ERCC6L2: variants seen among roughly 807,000 people sequenced by gnomAD.
ERCC6L2 encodes the protein DNA excision repair protein ERCC-6-like 2.
ERCC6L2 carries 77 observed loss-of-function variants against 132.0 expected under a neutral mutation model. That is an observed-to-expected ratio of 0.58 (90% CI 0.49 to 0.71). The LOEUF (loss-of-function observed/expected upper bound fraction) is 0.71, where lower values mean the gene tolerates loss of function less well. Among genes scored for constraint, ERCC6L2 ranks in the 30% least tolerant of loss-of-function variants. The pLI is 0.00. For missense variants in ERCC6L2, 1,542 were observed against 1,837.6 expected, an observed-to-expected ratio of 0.84 and a Z score of 2.94; for synonymous variants, 583 against 632.4, an observed-to-expected ratio of 0.92 and a Z score of 1.17.
At chr9:95,962,905 C>G (rs1311681585) in intron 13 of ERCC6L2, among the ~76,000 whole-genome samples, 3 of 152,124 alleles carry the variant, frequency 2.0e-5, no homozygotes, top group Non-Finnish European at 2.9e-5. Context: ...GCTTTAACTT[C>G]ATTGAAAGAT....
chr9:96,034,129 T>C (rs910235632), intron 19 of ERCC6L2, among the ~76,000 whole-genome samples: 1 of 152,230 alleles, frequency 6.6e-6, no homozygotes, highest in Non-Finnish European at 1.5e-5. Flanking sequence ...TTCTCAGGCA[T>C]GAAGGCAAGG....
At chr9:95,881,784 A>T (rs577860616) in intron 2 of ERCC6L2, among the ~76,000 whole-genome samples, 2 of 152,348 alleles carry the variant, frequency 1.3e-5, no homozygotes, top group African/African-American at 4.8e-5. Context: ...ATTCCCTAAA[A>T]TGTGTACTAG....
intron 3 of ERCC6L2, among the ~76,000 whole-genome samples, chr9:95,900,509 G>A (rs1828718569): frequency 6.6e-6 from 1 of 152,006 alleles, no homozygotes; most frequent in African/African-American, 2.4e-5. Context: ...TTTTACCCAA[G>A]TACTATTTGA....
chr9:95,879,750 C>G (rs1344862001), intron 1 of ERCC6L2, among the ~76,000 whole-genome samples: 1 of 152,244 alleles, frequency 6.6e-6, no homozygotes, highest in East Asian at 1.9e-4. Flanking sequence ...ATGAGCTATT[C>G]TTGCTTTAGA....
chr9:95,884,424 T>A (rs1827756141), intron 2 of ERCC6L2, among the ~76,000 whole-genome samples: 1 of 152,138 alleles, frequency 6.6e-6, no homozygotes, highest in East Asian at 1.9e-4. Context: ...GTAGTAAAAT[T>A]AATTGATAAT....
intron 6 of ERCC6L2, 83 bp downstream of exon 6, chr9:95,916,517 AT>A: frequency 8.7e-7 from 1 of 1,151,652 alleles, no homozygotes; most frequent in Non-Finnish European, 1.2e-6. Flanking sequence ...CTCCTGTGGC[AT>A]TTTGTAAATA....
At chr9:95,952,621 G>A (rs1209507688) in intron 12 of ERCC6L2, among the ~76,000 whole-genome samples, 1 of 152,130 alleles carries the variant, frequency 6.6e-6, no homozygotes, top group African/African-American at 2.4e-5. Context: ...GCCTCTTGAG[G>A]TCAGGAGTTC....
chr9:96,008,156 TC>T (rs1316640587), intron 18 of ERCC6L2, among the ~76,000 whole-genome samples: 1 of 152,178 alleles, frequency 6.6e-6, no homozygotes, highest in African/African-American at 2.4e-5. Context: ...TACCTTTTTT[TC>T]CCTAAGTTTG....
intron 20 of ERCC6L2, among the ~76,000 whole-genome samples, chr9:96,040,159 C>G (rs113882843): frequency 6.8e-4 from 104 of 152,094 alleles, no homozygotes; most frequent in African/African-American, 2.4e-3. Flanking sequence ...CCTGCCCCCC[C>G]CCAAGCACCC....
chr9:96,018,483 CAG>C (rs1206692759), downstream of ERCC6L2, among the ~76,000 whole-genome samples: 1 of 151,274 alleles, frequency 6.6e-6, no homozygotes, highest in Non-Finnish European at 1.5e-5. Context: ...TTTTGTAAGA[CAG>C]AGTCTCACTC....
rs1832751090 is a variant in ERCC6L2 at position 95,978,206 on chromosome 9, C to T, written c.3483C>T (p.Cys1161=). ...AGCTGCCTGCTAACATAGCTGTTTG[C>T]AGTTCTAAGGTAAGAAAAATATAGG... is the stretch of plus-strand genomic sequence containing the variant. The part of the protein sequence containing the change: ...FSQLPANIAV[C]SSKTYKEKVD... Residue 1161 remains cysteine (C), a synonymous_variant, in exon 17 of 19, where the codon TGC becomes TGT. Transcript: ENST00000653738. The T allele has an allele frequency of 7.3e-7, 1 of 1,363,860 alleles. No individual in the cohort carries two copies. The highest frequency in any genetic ancestry group is 1.5e-5 in the African/African-American group (1 of 67,790). The allele number at this position is 1,363,860 out of a possible 1,614,324, so 84.5% of individuals were successfully genotyped here.
At chr9:96,021,038 G>A (rs1367391921), downstream of ERCC6L2, 3 of 454,700 alleles carry the variant, frequency 6.6e-6, no homozygotes, top group African/African-American at 6.0e-5. The surrounding 1 kb of genome is among the most constrained non-coding windows in gnomAD (Gnocchi z 4.7). Flanking sequence ...CAGCGCCGCC[G>A]CGGCGAACCC....
rs770966576 is a variant in ERCC6L2, at chr9:95,923,399, G to A, written c.1533+20G>A. 1.2e-6 allele frequency: 2 copies of A among 1,611,658 alleles called. No individual in the cohort carries two copies. Among genetic ancestry groups the A allele is most frequent in the Non-Finnish European group, 8.5e-7 (1 of 1,178,656 alleles). ...ATGAAGGTAAGTGCTCCTCTTTCAG[G>A]TTGCATACAGACATGATACACAAAA... On this transcript the variant is annotated intron_variant, in intron 9 of 18. Coordinates refer to ENST00000653738, the MANE Select transcript of ERCC6L2 (RefSeq NM_020207.7).
chr9:95,967,134 C>T (rs927070764), intron 14 of ERCC6L2: 2 of 152,426 alleles, frequency 1.3e-5, no homozygotes, highest in African/African-American at 4.8e-5. Context: ...TTTTTGTTTT[C>T]TGTTCCCAAT....
intron 1 of ERCC6L2, chr9:95,876,970 A>G (rs895557165): frequency 6.6e-6 from 1 of 152,198 alleles, no homozygotes; most frequent in Admixed American, 6.5e-5. Flanking sequence ...TGATAAATCT[A>G]GTCACTCTTG....
rs1827561010 is a variant in ERCC6L2, at chr9:95,881,031, A to G, written c.209A>G (p.Gln70Arg). ...AGGAAAATACCTCTTAAACAGCTTC[A>G]AGAAGTGAAATTTGTTAAAGATTGC... Reference protein sequence around the residue: ...QERKIPLKQLQEVKFVKDCPR... With the variant: ...QERKIPLKQLREVKFVKDCPR... Residue 70 changes from glutamine (Q) to arginine (R), a missense_variant, in exon 2 of 19, where the codon CAA becomes CGA. By Grantham distance (43) the Gln-to-Arg change is conservative. This residue lies in a region of ERCC6L2 where 153 missense variants were observed against 132.3 expected (regional missense o/e 1.16). Coordinates refer to ENST00000653738, the MANE Select transcript of ERCC6L2 (RefSeq NM_020207.7). The G allele has an allele frequency of 6.2e-7, 1 of 1,613,912 alleles. No homozygotes were observed. Among genetic ancestry groups the G allele is most frequent in the Non-Finnish European group, 8.5e-7 (1 of 1,179,924 alleles).
intron 17 of ERCC6L2, among the ~76,000 whole-genome samples, chr9:95,989,748 G>C (rs952092610): frequency 6.6e-6 from 1 of 152,176 alleles, no homozygotes; most frequent in Non-Finnish European, 1.5e-5. Flanking sequence ...TTGGATGCTT[G>C]GTTTGGTATG....
chr9:96,009,933 A>G (rs530557343), intron 18 of ERCC6L2, among the ~76,000 whole-genome samples: 10 of 152,214 alleles, frequency 6.6e-5, no homozygotes, highest in Non-Finnish European at 1.5e-4. Context: ...GCAGTTGCTG[A>G]GACACCACCA....
At chr9:95,928,670 C>T (rs370400351) in intron 10 of ERCC6L2, 49 bp from the exon 11 acceptor site, 1 of 1,523,658 alleles carries the variant, frequency 6.6e-7, no homozygotes, top group African/African-American at 1.4e-5. Context: ...TGGTCTGAAA[C>T]TTACTTAACC....
Sources: allele counts gnomAD v4.1 joint callset (sites outside exome capture counted in the v4.1 genomes callset), GRCh38; gene constraint gnomAD v4.1.1; regional missense constraint gnomAD v4.1.1; non-coding constraint Gnocchi (gnomAD v3.1); transcripts MANE v1.5; gene names NCBI Gene and HGNC (gene_info 2026-07-23, HGNC 2026-07-21).